Variants in IFT140 observed in about 807,000 individuals in gnomAD.
IFT140 encodes intraflagellar transport 140, also known as intraflagellar transport protein 140 homolog.
A neutral mutation model predicts 164.6 loss-of-function variants in IFT140; 133 were observed. The ratio of observed to expected loss-of-function variants is 0.81; its 90% CI spans 0.70 to 0.93. IFT140 has a LOEUF of 0.93. Among genes scored for constraint, IFT140 ranks in the 40% least tolerant of loss-of-function variants. The pLI, the probability that IFT140 is intolerant of heterozygous loss-of-function variation, is 0.00. For synonymous variants in IFT140, 860 were observed against 817.3 expected, an observed-to-expected ratio of 1.05 and a Z score of -0.89; for missense variants, 2,045 against 1,972.3, an observed-to-expected ratio of 1.04 and a Z score of -0.70.
chr16:1,583,409 G>C (rs1234933560), intron 11 of IFT140, 23 bp from the exon 12 acceptor site: 2 of 1,610,828 alleles, frequency 1.2e-6, no homozygotes, highest in Admixed American at 1.7e-5. Context: ...ACGGACATTC[G>C]AGGCAAAGGG....
At chr16:1,542,108 C>T in intron 19 of IFT140, 2 of 1,548,956 alleles carry the variant, frequency 1.3e-6, no homozygotes. Flanking sequence ...GCCACCGCGC[C>T]CTTGCCCCCT....
intron 19 of IFT140, among the ~76,000 whole-genome samples, chr16:1,556,457 CTGTGACG>C (rs1317024366): frequency 6.6e-6 from 1 of 152,264 alleles, no homozygotes; most frequent in Non-Finnish European, 1.5e-5. Context: ...GGAGAAACTG[CTGTGACG>C]TGTACGGTCG....
Position 1,570,185 on chromosome 16 carries a change from G to A in IFT140, c.1652+1222C>T, listed in dbSNP as rs929306972. Among the ~76,000 whole-genome samples, 3 of 152,226 alleles carry A rather than the reference G, an allele frequency of 2.0e-5. No homozygotes were observed. In the East Asian group the frequency reaches 5.8e-4, roughly 29 times the overall value. On this transcript the variant is annotated intron_variant, in intron 14 of 30. Transcript: ENST00000426508. Reference sequence around the variant, plus strand: ...AAGGATCCATAGCTCCTTTATTGGAGGATGGTGGTAGAAACCAAGGTCTGG... The same window carrying A: ...AAGGATCCATAGCTCCTTTATTGGAAGATGGTGGTAGAAACCAAGGTCTGG...
At chr16:1,580,115 T>C (rs2141737675) in intron 13 of IFT140, 1 of 152,324 alleles carries the variant, frequency 6.6e-6, no homozygotes, top group Non-Finnish European at 1.5e-5. Flanking sequence ...AAGGATTTAT[T>C]TTCTTTTCAT....
In IFT140 at chr16:1,562,205, C is replaced by T. The variant is rs561759870; in HGVS notation, c.2068-89G>A. 1.8e-4 allele frequency: 210 copies of T among 1,182,248 alleles called. No homozygotes were observed. In the African/African-American group the frequency reaches 2.7e-3, roughly 15 times the overall value. The allele number at this position is 1,182,248 out of a possible 1,614,324, so 73.2% of individuals were successfully genotyped here. On this transcript the variant is annotated intron_variant, in intron 17 of 30. Coordinates refer to ENST00000426508, the MANE Select transcript of IFT140 (RefSeq NM_014714.4). ...GAGTGCCATTTTGCTACACACACTG[C>T]GTCACGGTGGGGTCGTTGCTACACA...
chr16:1,534,844 C>T (rs1342485859), intron 19 of IFT140, among the ~76,000 whole-genome samples: 1 of 152,210 alleles, frequency 6.6e-6, no homozygotes. Context: ...GGCCTCTCTG[C>T]CGTTACACAT....
At chr16:1,571,050 C>A (rs1251828943) in intron 14 of IFT140, among the ~76,000 whole-genome samples, 1 of 152,206 alleles carries the variant, frequency 6.6e-6, no homozygotes, top group Non-Finnish European at 1.5e-5. Context: ...AGCTACCCTG[C>A]CCAGCCTGAA....
rs185293559 is a variant in IFT140, at chr16:1,527,391, G to C, written c.2400-595C>G. On this transcript the variant is annotated intron_variant, in intron 19 of 30. Transcript: ENST00000426508. ...GCCCTGGAGGTCTGCCGAGCAGAGG[G>C]CCCTGGAGGCAGGCCTGCAGACGGG... Among the ~76,000 whole-genome samples, 433 of 152,294 alleles carry C rather than the reference G, an allele frequency of 2.8e-3. 2 individuals are homozygous for C. Among genetic ancestry groups the C allele is most frequent in the African/African-American group, 9.0e-3 (375 of 41,574 alleles).
At chr16:1,534,257 G>A (rs2030819423) in intron 19 of IFT140, 12 of 1,607,660 alleles carry the variant, frequency 7.5e-6, no homozygotes, top group South Asian at 2.2e-5. Flanking sequence ...CCGGATAAGC[G>A]GCGGCACCGG....
intron 19 of IFT140, among the ~76,000 whole-genome samples, chr16:1,552,306 C>T (rs2032716463): frequency 6.6e-6 from 1 of 152,006 alleles, no homozygotes; most frequent in Admixed American, 6.5e-5. Context: ...TGGGACTCTC[C>T]CCAAGGCTCC....
intron 19 of IFT140, among the ~76,000 whole-genome samples, chr16:1,540,245 G>A (rs1485045868): frequency 6.6e-6 from 1 of 152,252 alleles, no homozygotes; most frequent in Non-Finnish European, 1.5e-5. Flanking sequence ...AGAGCTTTGA[G>A]GTTATTCTGT....
intron 1 of IFT140, among the ~76,000 whole-genome samples, 198 bp downstream of exon 1, chr16:1,611,770 C>T (rs2036324990): frequency 7.0e-6 from 1 of 142,632 alleles, no homozygotes; most frequent in East Asian, 2.1e-4. Context: ...GCCAAGATTG[C>T]GCCACTGCAC....
chr16:1,555,048 T>A, intron 19 of IFT140: 1 of 1,595,074 alleles, frequency 6.3e-7, no homozygotes, highest in Non-Finnish European at 8.5e-7. Flanking sequence ...CAGCGCTCCA[T>A]CAACGCACAC....
intron 12 of IFT140, among the ~76,000 whole-genome samples, chr16:1,582,881 C>G (rs1014012511): frequency 2.0e-5 from 3 of 152,206 alleles, no homozygotes; most frequent in Non-Finnish European, 4.4e-5. Flanking sequence ...CCAGCCTGGG[C>G]AACAATGGCA....
rs2030708342 is a variant in IFT140 at position 1,533,352 on chromosome 16, T to C, written c.2400-6556A>G. On this transcript the variant is annotated intron_variant, in intron 19 of 30. Transcript: ENST00000426508. This position sits in a 1 kb window ranked among gnomAD's most constrained non-coding sequence, Gnocchi z 4.7. ...ACCTATGGTCCTGGGGGCAACTGGA[T>C]GGCTGGGGGGTGTGAAGTCCCCAGG... The C allele has an allele frequency of 1.4e-5, 2 of 138,398 alleles. No individual in the cohort carries two copies. Among genetic ancestry groups the C allele is most frequent in the Admixed American group, 1.4e-4 (2 of 14,200 alleles). 8.6% of individuals were successfully genotyped at this position (138,398 alleles called of 1,614,324 possible).
At position 1,586,133 on chromosome 16, in the gene IFT140, G is replaced by C. The variant is rs890658285; in HGVS notation, c.1152C>G (p.Ile384Met). The change falls in exon 10 of 31, where the codon ATC (isoleucine) becomes ATG (methionine). Residue 384 changes from isoleucine (I) to methionine (M), a missense_variant. Ile to Met is a conservative substitution (Grantham distance 10). Transcript: ENST00000426508. ...CGAACACCCTTGGAGGCTGTACCTG[G>C]ATTTGCGTGATGTTTCCTTGGAGCT... ...PTELQGNITQ[I>M]QWGSRKNLLA... 3.7e-6 allele frequency: 6 copies of C among 1,612,614 alleles called. No individual in the cohort carries two copies. Among genetic ancestry groups the C allele is most frequent in the Non-Finnish European group, 5.1e-6 (6 of 1,180,010 alleles).
rs1284735106 is a variant in IFT140 at position 1,583,261 on chromosome 16, A to T, written c.1432+53T>A. ...ACAGTGGCCCTCTCATTAGGCAGGG[A>T]GGAAATAAAGCCAGGTAGTGGGAGT... On this transcript the variant is annotated intron_variant, in intron 12 of 30. Coordinates refer to ENST00000426508, the MANE Select transcript of IFT140 (RefSeq NM_014714.4). 5.4e-6 allele frequency: 8 copies of T among 1,479,280 alleles called. No individual in the cohort carries two copies. In the Admixed American group the frequency reaches 1.3e-4, roughly 25 times the overall value. The allele number at this position is 1,479,280 out of a possible 1,614,324, so 91.6% of individuals were successfully genotyped here.
chr16:1,518,248 C>T lies in IFT140; in HGVS notation c.4150G>A (p.Glu1384Lys). 6.2e-7 allele frequency: 1 copy of T among 1,614,044 alleles called. No individual in the cohort carries two copies. Among genetic ancestry groups the T allele is most frequent in the Non-Finnish European group, 8.5e-7 (1 of 1,180,008 alleles). The change falls in exon 30 of 31, where the codon GAG becomes AAG. Residue 1384 changes from glutamate to lysine, a missense_variant. Physicochemically the swap from Glu to Lys is moderately conservative, Grantham distance 56. Transcript: ENST00000426508. ...RIGDVYGFLVEHYVRKEEYQT... is the reference protein window; with the variant it reads ...RIGDVYGFLVKHYVRKEEYQT... ...TATTCCTCCTTCCGCACGTAGTGCT[C>T]CACCAGGAAGCCATAGACGTCCCCG... is the stretch of plus-strand genomic sequence containing the variant.
intron 4 of IFT140, among the ~76,000 whole-genome samples, chr16:1,601,977 C>G (rs1407259015): frequency 3.3e-5 from 5 of 152,218 alleles, no homozygotes; most frequent in Non-Finnish European, 5.9e-5. Flanking sequence ...ACCACCCACC[C>G]ACAGGGGTCC....
Sources: allele counts gnomAD v4.1 joint callset (sites outside exome capture counted in the v4.1 genomes callset), GRCh38; gene constraint gnomAD v4.1.1; non-coding constraint Gnocchi (gnomAD v3.1); transcripts MANE v1.5; gene names NCBI Gene and HGNC (gene_info 2026-07-23, HGNC 2026-07-21).